RASGRF2: variants seen among roughly 807,000 people sequenced by gnomAD.
RASGRF2 encodes the protein ras-specific guanine nucleotide-releasing factor 2.
Under a neutral mutation model 151.0 loss-of-function variants are expected in RASGRF2, and 76 were observed. The observed-to-expected ratio is 0.50, with a 90% CI of 0.42 to 0.61. RASGRF2 has a LOEUF of 0.61. RASGRF2 is among the 20% of genes least tolerant of loss of function. RASGRF2 has a pLI of 0.00. For missense variants in RASGRF2, 1,148 were observed against 1,564.6 expected, an observed-to-expected ratio of 0.73 and a Z score of 4.49; for synonymous variants, 504 against 566.5, an observed-to-expected ratio of 0.89 and a Z score of 1.57.
intron 1 of RASGRF2, among the ~76,000 whole-genome samples, chr5:80,967,829 T>A (rs769824712): frequency 2.0e-5 from 3 of 152,228 alleles, no homozygotes; most frequent in Non-Finnish European, 2.9e-5. Flanking sequence ...CATGACGAGA[T>A]AATGTCAGTG....
chr5:81,207,370 C>G (rs1755531648), intron 21 of RASGRF2, 21 bp downstream of exon 21: 37 of 1,595,062 alleles, frequency 2.3e-5, no homozygotes, highest in Non-Finnish European at 3.2e-5. Flanking sequence ...CCCCCCACAG[C>G]AGCAGGGCTC....
chr5:81,026,113 C>T (rs1320709398), intron 1 of RASGRF2, among the ~76,000 whole-genome samples: 1 of 147,632 alleles, frequency 6.8e-6, no homozygotes, highest in African/African-American at 2.5e-5. Flanking sequence ...TCCTTCCTCT[C>T]CTTCCTCTCT....
intron 1 of RASGRF2, among the ~76,000 whole-genome samples, chr5:81,003,437 A>C (rs1216397931): frequency 6.6e-6 from 1 of 152,018 alleles, no homozygotes; most frequent in Non-Finnish European, 1.5e-5. Flanking sequence ...GTTAGCCAGG[A>C]TGGTCTCGAT....
At chr5:81,090,137 T>C (rs1475468726) in intron 9 of RASGRF2, among the ~76,000 whole-genome samples, 10 of 152,238 alleles carry the variant, frequency 6.6e-5, no homozygotes, top group Admixed American at 5.9e-4. Flanking sequence ...GCTTTCAATG[T>C]ACCAGTGTTC....
chr5:81,208,886 G>C (rs1172836563), intron 22 of RASGRF2, among the ~76,000 whole-genome samples: 2 of 152,088 alleles, frequency 1.3e-5, no homozygotes, highest in Non-Finnish European at 2.9e-5. Context: ...ATGGGATATT[G>C]ACGACAAGCT....
chr5:81,202,838 A>G (rs1224677175), intron 19 of RASGRF2, among the ~76,000 whole-genome samples: 3 of 152,258 alleles, frequency 2.0e-5, no homozygotes, highest in Admixed American at 6.5e-5. Context: ...AAAGAAAGCC[A>G]AAGATCGCTG....
intron 1 of RASGRF2, among the ~76,000 whole-genome samples, chr5:81,032,728 A>T (rs752527382): frequency 0.081 from 12,326 of 152,174 alleles, 720 homozygotes; most frequent in East Asian, 0.16. Context: ...TCCCTTTGAA[A>T]ACTGGCACAA....
intron 1 of RASGRF2, among the ~76,000 whole-genome samples, chr5:81,003,509 C>T (rs552790890): frequency 1.6e-4 from 25 of 152,260 alleles, no homozygotes; most frequent in Admixed American, 5.9e-4. Context: ...AGGCGTGAGC[C>T]ACTGCGCCCG....
At chr5:81,028,787 T>C (rs892171764) in intron 1 of RASGRF2, among the ~76,000 whole-genome samples, 2 of 152,218 alleles carry the variant, frequency 1.3e-5, no homozygotes, top group Non-Finnish European at 2.9e-5. Context: ...ACCAGGTTCA[T>C]CTCACTGGGG....
At chr5:81,013,036 A>C (rs761944141) in intron 1 of RASGRF2, among the ~76,000 whole-genome samples, 69 of 152,198 alleles carry the variant, frequency 4.5e-4, no homozygotes, top group Non-Finnish European at 7.8e-4. Flanking sequence ...ATATAGGAGC[A>C]GGCCCCAAAT....
chr5:80,987,367 G>A (rs898403420), intron 1 of RASGRF2, among the ~76,000 whole-genome samples: 6 of 152,144 alleles, frequency 3.9e-5, no homozygotes, highest in Admixed American at 3.9e-4. Flanking sequence ...CTAAGCATTC[G>A]GTCGAGTGAG....
intron 1 of RASGRF2, among the ~76,000 whole-genome samples, chr5:81,030,034 A>G (rs925264449): frequency 7.9e-5 from 12 of 152,248 alleles, no homozygotes; most frequent in African/African-American, 2.9e-4. Flanking sequence ...AATTCGATCA[A>G]GTGGAAGAAA....
intron 1 of RASGRF2, among the ~76,000 whole-genome samples, chr5:81,026,324 T>G (rs1750030459): frequency 6.6e-6 from 1 of 151,988 alleles, no homozygotes; most frequent in African/African-American, 2.4e-5. Flanking sequence ...CTTTCTATCT[T>G]CTCTACTTAA....
Position 81,013,595 on chromosome 5 carries a change from T to TTATATA in RASGRF2, c.289-29270_289-29265dup, listed in dbSNP as rs149298620. Among the ~76,000 whole-genome samples, 233 of 148,910 alleles carry TTATATA rather than the reference T, an allele frequency of 1.6e-3. 1 individual carries two copies. The highest frequency in any genetic ancestry group is 5.5e-3 in the African/African-American group (223 of 40,698). On this transcript the variant is annotated intron_variant, in intron 1 of 26. Transcript: ENST00000265080. ...ATATATGTTGTCCCAAATATATTTG[T>TTATATA]TATATATATATATATATGTTATGCT...
At chr5:81,097,740 C>G (rs1752585409) in intron 12 of RASGRF2, among the ~76,000 whole-genome samples, 1 of 151,940 alleles carries the variant, frequency 6.6e-6, no homozygotes, top group African/African-American at 2.4e-5. Context: ...TCAAGGAATA[C>G]CATGAAAGGC....
At chr5:81,149,564 A>G (rs1754087064) in intron 17 of RASGRF2, among the ~76,000 whole-genome samples, 1 of 152,030 alleles carries the variant, frequency 6.6e-6, no homozygotes, top group Non-Finnish European at 1.5e-5. Flanking sequence ...AGTCTCAGAA[A>G]TCACCACTAA....
chr5:81,086,946 C>G lies in RASGRF2; in HGVS notation c.1383C>G (p.Ile461Met). The change falls in exon 9 of 27, where the codon ATC becomes ATG. Residue 461 changes from isoleucine (I) to methionine (M), a missense_variant. By Grantham distance (10) the Ile-to-Met change is conservative. Transcript: ENST00000265080. ...TGCTGGACACCAGCCAAACGTTCAT[C>G]CGCCAAGGTAAGTCCCTGTGAAATG... ...DILLDTSQTF[I>M]RQGSLIQVPS... 6.2e-7 allele frequency: 1 copy of G among 1,612,904 alleles called. No individual in the cohort carries two copies. Among genetic ancestry groups the G allele is most frequent in the Non-Finnish European group, 8.5e-7 (1 of 1,178,888 alleles).
intron 18 of RASGRF2, among the ~76,000 whole-genome samples, chr5:81,197,065 C>T (rs181222762): frequency 6.6e-6 from 1 of 152,332 alleles, no homozygotes; most frequent in East Asian, 1.9e-4. Flanking sequence ...AAAACATCAT[C>T]TGAAGCCTTA....
At chr5:81,204,871 T>G (rs980710351) in intron 19 of RASGRF2, among the ~76,000 whole-genome samples, 1 of 152,138 alleles carries the variant, frequency 6.6e-6, no homozygotes, top group Non-Finnish European at 1.5e-5. Flanking sequence ...AAGAGGAACA[T>G]TTGATGGGAG....
Sources: allele counts gnomAD v4.1 joint callset (sites outside exome capture counted in the v4.1 genomes callset), GRCh38; gene constraint gnomAD v4.1.1; transcripts MANE v1.5; gene names NCBI Gene and HGNC (gene_info 2026-07-23, HGNC 2026-07-21).